The following GPR141 variants were observed in gnomAD, a reference collection of about 807,000 sequenced individuals.
The protein encoded by GPR141 is G protein-coupled receptor 141.
Under a neutral mutation model 6.8 loss-of-function variants are expected in GPR141, and 6 were observed. The ratio of observed to expected loss-of-function variants is 0.88; its 90% CI spans 0.48 to 1.74. The LOEUF (loss-of-function observed/expected upper bound fraction) is 1.74, where lower values mean the gene tolerates loss of function less well. GPR141 is among the 40% of genes most tolerant of loss of function. GPR141 has a pLI of 0.01. For missense variants in GPR141, 372 were observed against 372.9 expected, an observed-to-expected ratio of 1.00 and a Z score of 0.02; for synonymous variants, 140 against 142.3, an observed-to-expected ratio of 0.98 and a Z score of 0.11.
intron 2 of GPR141, among the ~76,000 whole-genome samples, chr7:37,720,195 A>C (rs1185350803): frequency 6.6e-6 from 1 of 152,162 alleles, no homozygotes; most frequent in Non-Finnish European, 1.5e-5. Flanking sequence ...GGCAGAGAAA[A>C]GGTGTGCCAT....
intron 2 of GPR141, among the ~76,000 whole-genome samples, chr7:37,732,053 AT>A (rs1233616466): frequency 2.4e-5 from 3 of 123,536 alleles, no homozygotes; most frequent in South Asian, 2.6e-4. Context: ...TTATTTATTT[AT>A]TTTATTTTTT....
chr7:37,696,056 G>C (rs1810000531), intron 2 of GPR141, among the ~76,000 whole-genome samples: 1 of 152,186 alleles, frequency 6.6e-6, no homozygotes, highest in Non-Finnish European at 1.5e-5. Flanking sequence ...CCTCTGGTTT[G>C]GAAGTACAGA....
At chr7:37,722,690 C>T (rs1012110865) in intron 2 of GPR141, among the ~76,000 whole-genome samples, 3 of 144,672 alleles carry the variant, frequency 2.1e-5, no homozygotes, top group Non-Finnish European at 4.5e-5. Flanking sequence ...CACTGCACTC[C>T]AGCCTGGGTG....
chr7:37,685,364 TCCTG>T (rs542068592), intron 1 of GPR141, 92 bp from the exon 2 acceptor site: 21,348 of 145,238 alleles, frequency 0.15, 1,685 homozygotes, highest in Non-Finnish European at 0.18. Context: ...CCTCCTTCCT[TCCTG>T]CCTGCCTGCC....
intron 2 of GPR141, among the ~76,000 whole-genome samples, chr7:37,715,115 T>G (rs1344932875): frequency 6.6e-6 from 1 of 152,194 alleles, no homozygotes; most frequent in Non-Finnish European, 1.5e-5. Flanking sequence ...TTATTTATTA[T>G]TTATCTTATT....
chr7:37,731,056 G>A (rs1425014158), intron 2 of GPR141, among the ~76,000 whole-genome samples: 1 of 152,200 alleles, frequency 6.6e-6, no homozygotes, highest in Non-Finnish European at 1.5e-5. Flanking sequence ...GCTATTAATT[G>A]CTATTGAAAT....
chr7:37,700,393 A>G (rs1810225992), intron 2 of GPR141, among the ~76,000 whole-genome samples: 1 of 152,216 alleles, frequency 6.6e-6, no homozygotes, highest in African/African-American at 2.4e-5. Context: ...TCGGCAAAGC[A>G]TAGCATAATA....
At chr7:37,730,875 C>A (rs1811896827) in intron 2 of GPR141, among the ~76,000 whole-genome samples, 1 of 152,242 alleles carries the variant, frequency 6.6e-6, no homozygotes, top group Non-Finnish European at 1.5e-5. Flanking sequence ...GCAATGAAGA[C>A]ATTTCCTTTC....
At chr7:37,700,946 G>A (rs1810254360) in intron 2 of GPR141, among the ~76,000 whole-genome samples, 1 of 152,170 alleles carries the variant, frequency 6.6e-6, no homozygotes, top group South Asian at 2.1e-4. Context: ...CCTGCCCCAG[G>A]AAATTGTGTC....
intron 2 of GPR141, among the ~76,000 whole-genome samples, chr7:37,733,557 A>T (rs897375518): frequency 6.6e-6 from 1 of 151,740 alleles, no homozygotes; most frequent in African/African-American, 2.4e-5. Flanking sequence ...CTGTAATCCC[A>T]GCTACTCCGG....
At chr7:37,707,640 A>C (rs1441576857) in intron 2 of GPR141, among the ~76,000 whole-genome samples, 2 of 152,232 alleles carry the variant, frequency 1.3e-5, no homozygotes, top group African/African-American at 4.8e-5. Context: ...GATAAGGAAA[A>C]TAAATTATGG....
At chr7:37,689,711 CT>C (rs1323137399) in intron 2 of GPR141, among the ~76,000 whole-genome samples, 2 of 151,192 alleles carry the variant, frequency 1.3e-5, no homozygotes, top group South Asian at 2.1e-4. Context: ...TTCAGTGATC[CT>C]TTTTTTTTAA....
chr7:37,711,831 A>G (rs538156073), intron 2 of GPR141, among the ~76,000 whole-genome samples: 2 of 152,324 alleles, frequency 1.3e-5, no homozygotes, highest in South Asian at 4.1e-4. Context: ...CAGAGGTGCA[A>G]GTTTTAAACT....
At position 37,740,999 on chromosome 7, in the gene GPR141, CAT is replaced by C; in HGVS notation, c.607_608del (p.Ile203HisfsTer42). 1 of 1,614,050 alleles carries C rather than the reference CAT, an allele frequency of 6.2e-7. No homozygotes were observed. The highest frequency in any genetic ancestry group is 8.5e-7 in the Non-Finnish European group (1 of 1,179,962). On this transcript the variant is annotated frameshift_variant, in exon 3 of 3. Transcript: ENST00000334425. LOFTEE classifies it high-confidence loss of function. ...TGATTCTGTTGGTCTTCCAGGTCTT[CAT>C]CATTATGTTGATGGTGCAGAAGCTA... The part of the protein sequence containing the change: ...AVILLVFQVF[I>X]IMLMVQKLRH...
intron 2 of GPR141, among the ~76,000 whole-genome samples, chr7:37,694,746 A>G (rs1479097709): frequency 1.3e-5 from 2 of 152,218 alleles, no homozygotes; most frequent in Non-Finnish European, 2.9e-5. Context: ...AGGAATTAAT[A>G]GAGCAAGAAT....
At chr7:37,706,984 C>T (rs1810553264) in intron 2 of GPR141, among the ~76,000 whole-genome samples, 1 of 151,986 alleles carries the variant, frequency 6.6e-6, no homozygotes, top group Admixed American at 6.6e-5. Context: ...TTCTCTTCCA[C>T]GCCCACTGCC....
At chr7:37,725,547 C>T (rs1213342389) in intron 2 of GPR141, among the ~76,000 whole-genome samples, 1 of 152,186 alleles carries the variant, frequency 6.6e-6, no homozygotes, top group Non-Finnish European at 1.5e-5. Flanking sequence ...TAATTCTCCC[C>T]CTCCTCCCTC....
At chr7:37,734,473 T>C (rs1812134906) in intron 2 of GPR141, among the ~76,000 whole-genome samples, 1 of 152,196 alleles carries the variant, frequency 6.6e-6, no homozygotes, top group Admixed American at 6.5e-5. Context: ...TTGCTATGGA[T>C]AAAAGAGTGG....
intron 1 of GPR141, chr7:37,685,127 G>T (rs1485205602): frequency 1.3e-5 from 2 of 152,158 alleles, no homozygotes; most frequent in Non-Finnish European, 2.9e-5. Context: ...ATAAAAACAA[G>T]AAGTGAGCCA....
Sources: gnomAD v4.1 joint callset for allele counts (sites outside exome capture counted in the v4.1 genomes callset) on GRCh38, gnomAD v4.1.1 for gene constraint, MANE v1.5 for transcripts, NCBI Gene and HGNC (gene_info 2026-07-23, HGNC 2026-07-21) for gene names.